Variants in CFI observed in about 807,000 individuals in gnomAD.
CFI encodes the protein C3B/C4B inactivator.
A neutral mutation model predicts 78.8 loss-of-function variants in CFI; 66 were observed. That is an observed-to-expected ratio of 0.84 (90% CI 0.69 to 1.03). The LOEUF (loss-of-function observed/expected upper bound fraction) is 1.03. Ranked by LOEUF, CFI falls within the 50% of genes least tolerant of loss-of-function variation. The pLI is 0.00. For missense variants in CFI, 706 were observed against 704.5 expected (o/e 1.00, Z -0.02); for synonymous variants, 250 against 232.6 (o/e 1.07, Z -0.68).
At chr4:109,732,050 C>G in the CFI span, among the ~76,000 whole-genome samples, 1 of 69,428 alleles carries the variant, frequency 1.4e-5, no homozygotes, top group Non-Finnish European at 2.9e-5. Flanking sequence ...AGTCCAGGGA[C>G]AAGACTTTCA....
intron 1 of CFI, among the ~76,000 whole-genome samples, chr4:109,769,512 G>C (rs1388184189): frequency 6.6e-6 from 1 of 152,160 alleles, no homozygotes; most frequent in Non-Finnish European, 1.5e-5. Context: ...CAGCAGCCGG[G>C]TCTCACCTGA....
chr4:109,764,449 A>G, intron 3 of CFI, 88 bp downstream of exon 3: 2 of 1,427,970 alleles, frequency 1.4e-6, no homozygotes, highest in Non-Finnish European at 9.8e-7. Context: ...ACACATATGG[A>G]AATTAATACA....
At chr4:109,767,905 A>G (rs1398262190) in intron 1 of CFI, among the ~76,000 whole-genome samples, 2 of 152,134 alleles carry the variant, frequency 1.3e-5, no homozygotes, top group Non-Finnish European at 2.9e-5. Context: ...ATGATAGACC[A>G]GATTAAGAAA....
intron 1 of CFI, among the ~76,000 whole-genome samples, chr4:109,786,406 C>A (rs555089325): frequency 6.6e-6 from 1 of 152,114 alleles, no homozygotes; most frequent in East Asian, 1.9e-4. Flanking sequence ...TTTCTCTAGG[C>A]AGGAGACCAG....
chr4:109,756,136 A>G (rs1726102297), intron 7 of CFI, among the ~76,000 whole-genome samples: 1 of 152,130 alleles, frequency 6.6e-6, no homozygotes, highest in Admixed American at 6.5e-5. Context: ...CCACTGAAAA[A>G]TGGTTGCCTA....
chr4:109,799,520 T>C (rs1732493472), intron 1 of CFI, among the ~76,000 whole-genome samples: 1 of 152,158 alleles, frequency 6.6e-6, no homozygotes, highest in Non-Finnish European at 1.5e-5. Context: ...TAGACAGATT[T>C]ATATACTTTC....
At chr4:109,791,165 T>C (rs959770100) in intron 1 of CFI, among the ~76,000 whole-genome samples, 3 of 152,216 alleles carry the variant, frequency 2.0e-5, no homozygotes, top group Non-Finnish European at 2.9e-5. Flanking sequence ...TGGTATTTCA[T>C]TGTGGTTTTA....
intron 1 of CFI, among the ~76,000 whole-genome samples, chr4:109,778,702 C>T (rs1179805269): frequency 6.6e-6 from 1 of 152,210 alleles, no homozygotes; most frequent in East Asian, 1.9e-4. Context: ...AGACCAATAT[C>T]CCTGAGGAAT....
intron 1 of CFI, among the ~76,000 whole-genome samples, chr4:109,797,263 G>A (rs1732168315): frequency 6.6e-6 from 1 of 152,136 alleles, no homozygotes; most frequent in South Asian, 2.1e-4. Context: ...AAAGTTCAGA[G>A]ATAAAACCAT....
the CFI span, among the ~76,000 whole-genome samples, chr4:109,731,303 T>C: frequency 6.6e-6 from 1 of 151,872 alleles, no homozygotes; most frequent in East Asian, 1.9e-4. Context: ...TGAGCTGAGA[T>C]TGCACCACTG....
chr4:109,786,781 T>A (rs1173316717), intron 1 of CFI, among the ~76,000 whole-genome samples: 1 of 152,062 alleles, frequency 6.6e-6, no homozygotes, highest in Non-Finnish European at 1.5e-5. Context: ...GAGGATCAGA[T>A]GAAAAATACA....
At chr4:109,761,433 C>A in intron 4 of CFI, 84 bp downstream of exon 4, 1 of 1,302,446 alleles carries the variant, frequency 7.7e-7, no homozygotes, top group Non-Finnish European at 1.1e-6. Flanking sequence ...GGCAACGAGG[C>A]ATCAATCATT....
intron 1 of CFI, among the ~76,000 whole-genome samples, chr4:109,773,911 A>G (rs564602645): frequency 1.6e-4 from 25 of 152,266 alleles, no homozygotes; most frequent in Non-Finnish European, 3.2e-4. Flanking sequence ...AACAAGCTCC[A>G]TAAATATTCT....
rs574893756 is a variant in CFI at position 109,791,672 on chromosome 4, T to A, written c.57+10243A>T. On this transcript the variant is annotated intron_variant, in intron 1 of 12. Transcript: ENST00000394634. ...TTTTCTGCAATTGGCTAGCCAGTTA[T>A]CCCAGCATCATTTATTGAATAGGGA... Among the ~76,000 whole-genome samples the A allele has an allele frequency of 1.2e-4, 19 of 152,328 alleles. No homozygotes were observed. In the South Asian group the frequency reaches 3.9e-3, roughly 32 times the overall value.
intron 1 of CFI, among the ~76,000 whole-genome samples, chr4:109,772,088 G>A (rs1311479230): frequency 6.6e-6 from 1 of 152,308 alleles, no homozygotes; most frequent in African/African-American, 2.4e-5. Flanking sequence ...TCAGATGGAT[G>A]GTAAAGGATA....
intron 1 of CFI, among the ~76,000 whole-genome samples, chr4:109,773,195 CAG>C (rs2125829655): frequency 6.6e-6 from 1 of 152,244 alleles, no homozygotes; most frequent in Non-Finnish European, 1.5e-5. Context: ...GGGTTCCCTA[CAG>C]AGTCACCCAG....
downstream of CFI, among the ~76,000 whole-genome samples, chr4:109,740,165 C>G (rs1723627057): frequency 6.6e-6 from 1 of 151,980 alleles, no homozygotes; most frequent in South Asian, 2.1e-4. Flanking sequence ...GTAGTGTGCA[C>G]CTGTAATCCC....
chr4:109,733,733 T>C, the CFI span, among the ~76,000 whole-genome samples: 1 of 152,090 alleles, frequency 6.6e-6, no homozygotes, highest in Admixed American at 6.6e-5. Context: ...ATGGGGAGAA[T>C]TGTGGAAGGA....
chr4:109,794,020 G>A (rs1015127176), intron 1 of CFI: 2 of 152,174 alleles, frequency 1.3e-5, no homozygotes, highest in Admixed American at 1.3e-4. Context: ...TGAGAAAGCT[G>A]CTGCTAATCT....
Sources: gnomAD v4.1 joint callset for allele counts (sites outside exome capture counted in the v4.1 genomes callset) on GRCh38, gnomAD v4.1.1 for gene constraint, MANE v1.5 for transcripts, NCBI Gene and HGNC (gene_info 2026-07-23, HGNC 2026-07-21) for gene names.